The following RHOH variants were observed in gnomAD, a reference collection of about 807,000 sequenced individuals.
RHOH encodes rho-related GTP-binding protein RhoH.
Under a neutral mutation model 13.8 loss-of-function variants are expected in RHOH, and 6 were observed. The ratio of observed to expected loss-of-function variants is 0.44; its 90% CI spans 0.24 to 0.86. The LOEUF (loss-of-function observed/expected upper bound fraction) is 0.86, where lower values mean the gene tolerates loss of function less well. Among genes scored for constraint, RHOH ranks in the 40% least tolerant of loss-of-function variants. RHOH has a pLI of 0.24. For synonymous variants in RHOH, 117 were observed against 103.0 expected (o/e 1.14, Z -0.82); for missense variants, 147 against 244.5 (o/e 0.60, Z 2.66).
chr4:40,229,994 T>C (rs1031228973), intron 1 of RHOH, among the ~76,000 whole-genome samples: 1 of 152,172 alleles, frequency 6.6e-6, no homozygotes, highest in Non-Finnish European at 1.5e-5. Context: ...AAATGTCATC[T>C]AATACCCAGG....
In RHOH at chr4:40,244,292, TTAAC is replaced by T. The variant is rs1404002966; in HGVS notation, c.*334_*337del. The T allele has an allele frequency of 7.1e-6, 2 of 282,858 alleles. No homozygotes were observed. Among genetic ancestry groups the T allele is most frequent in the Admixed American group, 5.1e-5 (1 of 19,788 alleles). 17.5% of individuals were successfully genotyped at this position (282,858 alleles called of 1,614,324 possible). On this transcript the variant is annotated 3_prime_UTR_variant, in exon 3 of 3. Transcript: ENST00000381799. ...TTCCATATTTAAAGACACATTTTAT[TTAAC>T]TAATAACAAAATGTATTGCTTTTGT...
chr4:40,243,345 C>T lies in RHOH; in HGVS notation c.-42C>T. 1.3e-6 allele frequency: 2 copies of T among 1,519,576 alleles called. No homozygotes were observed. 94.1% of individuals were successfully genotyped at this position (1,519,576 alleles called of 1,614,324 possible). A position where few individuals can be genotyped will look rare whatever the true frequency, so the allele number is the denominator to read the frequency against. ...CAGCTGCCCACTGAGGGCTCTTTTCCCTGGGATTCTGGACTTCAGAGTAGG... is the reference window on the plus strand; with the variant it reads ...CAGCTGCCCACTGAGGGCTCTTTTCTCTGGGATTCTGGACTTCAGAGTAGG... On this transcript the variant is annotated 5_prime_UTR_variant, in exon 3 of 3. Transcript: ENST00000381799. This position sits in a 1 kb window ranked among gnomAD's most constrained non-coding sequence, Gnocchi z 6.2.
At chr4:40,214,808 T>G (rs2109419683) in intron 1 of RHOH, among the ~76,000 whole-genome samples, 1 of 152,250 alleles carries the variant, frequency 6.6e-6, no homozygotes, top group East Asian at 1.9e-4. Context: ...TAATGCATAT[T>G]CTTGGATCAT....
chr4:40,216,586 T>C (rs1245602102), intron 1 of RHOH, among the ~76,000 whole-genome samples: 4 of 152,234 alleles, frequency 2.6e-5, no homozygotes, highest in African/African-American at 9.6e-5. Context: ...GAGGATTGGA[T>C]TGGATATAAA....
At chr4:40,219,275 G>T (rs1726251256) in intron 1 of RHOH, among the ~76,000 whole-genome samples, 1 of 152,086 alleles carries the variant, frequency 6.6e-6, no homozygotes, top group African/African-American at 2.4e-5. Flanking sequence ...AGCTGGGCAT[G>T]GTGGCACATG....
intron 1 of RHOH, among the ~76,000 whole-genome samples, chr4:40,225,403 G>A (rs1727100531): frequency 6.6e-6 from 1 of 151,666 alleles, no homozygotes; most frequent in African/African-American, 2.4e-5. Context: ...TTTTTTTAAA[G>A]TTCAATTAAA....
At chr4:40,214,262 C>CA (rs1020607117) in intron 1 of RHOH, among the ~76,000 whole-genome samples, 7 of 152,274 alleles carry the variant, frequency 4.6e-5, no homozygotes, top group Non-Finnish European at 1.0e-4. Flanking sequence ...ATATGGGCAT[C>CA]ATGCACAGGT....
chr4:40,241,336 C>T (rs2109576908), intron 1 of RHOH, among the ~76,000 whole-genome samples: 1 of 152,282 alleles, frequency 6.6e-6, no homozygotes, highest in African/African-American at 2.4e-5. Flanking sequence ...CTATAATTCC[C>T]AGATGCCAGG....
chr4:40,229,517 T>C (rs141150464), intron 1 of RHOH, among the ~76,000 whole-genome samples: 5,629 of 151,558 alleles, frequency 0.037, 132 homozygotes, highest in Middle Eastern at 0.051. Flanking sequence ...GCCTGTAGTC[T>C]GAGCTACTCG....
intron 1 of RHOH, among the ~76,000 whole-genome samples, chr4:40,230,052 CT>C (rs924780773): frequency 4.0e-5 from 6 of 149,114 alleles, no homozygotes; most frequent in Non-Finnish European, 6.0e-5. Context: ...AAAAGGACTT[CT>C]TTTTTTTTTG....
intron 1 of RHOH, among the ~76,000 whole-genome samples, chr4:40,224,166 G>A (rs953991049): frequency 4.6e-5 from 7 of 152,280 alleles, no homozygotes; most frequent in South Asian, 2.1e-4. Flanking sequence ...AACTGAACCC[G>A]CGATATCTGT....
intron 1 of RHOH, among the ~76,000 whole-genome samples, chr4:40,201,796 A>T (rs1366281365): frequency 6.6e-6 from 1 of 152,182 alleles, no homozygotes; most frequent in Non-Finnish European, 1.5e-5. Context: ...TGATCCATTC[A>T]TTCCACCCCT....
At position 40,207,444 on chromosome 4, in the gene RHOH, C is replaced by T. The variant is rs540787156; in HGVS notation, c.-331+10144C>T. Among the ~76,000 whole-genome samples the T allele has an allele frequency of 5.9e-4, 89 of 152,118 alleles. No individual in the cohort carries two copies. In the East Asian group the frequency reaches 0.014, roughly 24 times the overall value. On this transcript the variant is annotated intron_variant, in intron 1 of 2. Coordinates refer to ENST00000381799, the MANE Select transcript of RHOH (RefSeq NM_004310.5). The stretch of plus-strand genomic sequence containing the variant: ...TGAAATGTACATTGTGGCAGTGTTT[C>T]TATTACATTCTAGAGCTATGAAAAC...
At chr4:40,235,963 C>A (rs1245522308) in intron 1 of RHOH, among the ~76,000 whole-genome samples, 4 of 141,034 alleles carry the variant, frequency 2.8e-5, no homozygotes, top group African/African-American at 7.7e-5. Context: ...GCCTGGCACA[C>A]AGAGTAAGAG....
At chr4:40,211,663 A>G (rs1725287892) in intron 1 of RHOH, among the ~76,000 whole-genome samples, 1 of 152,208 alleles carries the variant, frequency 6.6e-6, no homozygotes, top group Non-Finnish European at 1.5e-5. Context: ...TCTTATGTGG[A>G]TGGTACAAAG....
intron 1 of RHOH, among the ~76,000 whole-genome samples, chr4:40,227,973 C>A (rs898529996): frequency 2.6e-5 from 4 of 152,196 alleles, no homozygotes; most frequent in Middle Eastern, 3.4e-3. Flanking sequence ...TCTGTTCCAG[C>A]AGTTGCTCTC....
At chr4:40,236,734 G>A (rs574333198) in intron 1 of RHOH, among the ~76,000 whole-genome samples, 2 of 152,082 alleles carry the variant, frequency 1.3e-5, no homozygotes, top group African/African-American at 2.4e-5. Flanking sequence ...GGAGGTTGCA[G>A]TGAGCCGAGA....
intron 1 of RHOH, chr4:40,200,306 C>CA (rs1163325385): frequency 1.3e-5 from 2 of 152,168 alleles, no homozygotes; most frequent in African/African-American, 4.8e-5. Context: ...CGGATGTGGA[C>CA]AGTTGTTCAG....
intron 1 of RHOH, among the ~76,000 whole-genome samples, chr4:40,237,967 G>A (rs867416526): frequency 1.6e-4 from 25 of 152,184 alleles, no homozygotes; most frequent in African/African-American, 5.1e-4. Flanking sequence ...ACCAAGAAGA[G>A]AGCATTTCCA....
Sources: allele counts gnomAD v4.1 joint callset (sites outside exome capture counted in the v4.1 genomes callset), GRCh38; gene constraint gnomAD v4.1.1; non-coding constraint Gnocchi (gnomAD v3.1); transcripts MANE v1.5; gene names NCBI Gene and HGNC (gene_info 2026-07-23, HGNC 2026-07-21).